Variants in CDH6 observed in about 807,000 individuals in gnomAD.
CDH6 encodes cadherin-6.
Under a neutral mutation model 78.0 loss-of-function variants are expected in CDH6, and 31 were observed. The ratio of observed to expected loss-of-function variants is 0.40; its 90% CI spans 0.30 to 0.54. The LOEUF (loss-of-function observed/expected upper bound fraction) is 0.54, where lower values mean the gene tolerates loss of function less well. Among genes scored for constraint, CDH6 ranks in the 20% least tolerant of loss-of-function variants. The pLI, the probability that CDH6 is intolerant of heterozygous loss-of-function variation, is 0.56. For missense variants in CDH6, 724 were observed against 975.9 expected, an observed-to-expected ratio of 0.74 and a Z score of 3.44; for synonymous variants, 376 against 368.8, an observed-to-expected ratio of 1.02 and a Z score of -0.23.
At position 31,299,483 on chromosome 5, in the gene CDH6, G is replaced by T; in HGVS notation, c.663G>T (p.Leu221Phe). 6.2e-7 allele frequency: 1 copy of T among 1,613,418 alleles called. No homozygotes were observed. The highest frequency in any genetic ancestry group is 1.7e-4 in the Middle Eastern group (1 of 6,056). ...ESETGIIKTA[L>F]LNMDRENREQ... Reference sequence around the variant, plus strand: ...CCACAGGTATTATCAAGACAGCTTTGCTCAACATGGATCGAGAAAACAGGG... The same window carrying T: ...CCACAGGTATTATCAAGACAGCTTTTCTCAACATGGATCGAGAAAACAGGG... The change falls in exon 5 of 12, where the codon TTG becomes TTT. Residue 221 changes from leucine to phenylalanine, a missense_variant. Physicochemically the swap from Leu to Phe is conservative, Grantham distance 22. Around this residue, in one of 3 missense-constraint regions of CDH6, gnomAD observed 446 missense variants for 684.5 expected, o/e 0.65. Transcript: ENST00000265071.
At chr5:31,261,481 T>C (rs1380858738) in intron 1 of CDH6, among the ~76,000 whole-genome samples, 4 of 152,162 alleles carry the variant, frequency 2.6e-5, no homozygotes, top group Non-Finnish European at 4.4e-5. Flanking sequence ...TTTACAGAAA[T>C]GTAAAGTACT....
intron 1 of CDH6, among the ~76,000 whole-genome samples, chr5:31,247,823 GTT>G (rs554230061): frequency 7.0e-4 from 106 of 152,240 alleles, no homozygotes; most frequent in Non-Finnish European, 1.4e-3. Flanking sequence ...AGTTTTCCAG[GTT>G]TATATAAAGT....
intron 1 of CDH6, among the ~76,000 whole-genome samples, chr5:31,265,963 A>G (rs1338156730): frequency 6.6e-6 from 1 of 151,510 alleles, no homozygotes; most frequent in Non-Finnish European, 1.5e-5. Context: ...TTTTTAGTAG[A>G]GACGGGGTTT....
chr5:31,244,302 C>T (rs1741686278), intron 1 of CDH6, among the ~76,000 whole-genome samples: 1 of 152,270 alleles, frequency 6.6e-6, no homozygotes, highest in South Asian at 2.1e-4. Flanking sequence ...AAATCAAGAA[C>T]ATAAAAGGTG....
intron 11 of CDH6, among the ~76,000 whole-genome samples, chr5:31,321,674 G>A (rs1738481752): frequency 6.6e-6 from 1 of 152,064 alleles, no homozygotes; most frequent in South Asian, 2.1e-4. Flanking sequence ...TTATTATATA[G>A]GTAGTTTTGT....
intron 7 of CDH6, among the ~76,000 whole-genome samples, chr5:31,312,342 T>C (rs1738181530): frequency 6.6e-6 from 1 of 152,210 alleles, no homozygotes; most frequent in South Asian, 2.1e-4. Context: ...CGTTCAACCA[T>C]TCTCCTCAAT....
chr5:31,269,031 T>G (rs2149934291), intron 2 of CDH6, among the ~76,000 whole-genome samples: 1 of 152,328 alleles, frequency 6.6e-6, no homozygotes, highest in South Asian at 2.1e-4. Context: ...CTACTCGTAC[T>G]TCACTCCATT....
At position 31,311,443 on chromosome 5, in the gene CDH6, T is replaced by C. The variant is rs1462449152; in HGVS notation, c.1254-1875T>C. On this transcript the variant is annotated intron_variant, in intron 7 of 11. Coordinates refer to ENST00000265071, the MANE Select transcript of CDH6 (RefSeq NM_004932.4). ...AGTTCCAGACTTTCCCACATCTTTC[T>C]TTCTTCTTCTGAACCCTCCAATCTG... 5.9e-5 allele frequency among the ~76,000 whole-genome samples: 9 copies of C among 152,332 alleles called. No individual in the cohort carries two copies. In the South Asian group the frequency reaches 1.2e-3, roughly 21 times the overall value.
At chr5:31,255,221 T>C (rs2149926944) in intron 1 of CDH6, among the ~76,000 whole-genome samples, 1 of 152,366 alleles carries the variant, frequency 6.6e-6, no homozygotes, top group East Asian at 1.9e-4. Context: ...AATTGGCTTT[T>C]CCTTGGCCCT....
intron 1 of CDH6, among the ~76,000 whole-genome samples, chr5:31,219,164 G>T (rs1363596353): frequency 6.6e-6 from 1 of 152,146 alleles, no homozygotes; most frequent in Non-Finnish European, 1.5e-5. Context: ...CCAGCAGATG[G>T]CCTTTGGACT....
intron 1 of CDH6, among the ~76,000 whole-genome samples, chr5:31,219,122 C>G (rs12653096): frequency 0.067 from 10,132 of 152,252 alleles, 666 homozygotes; most frequent in East Asian, 0.38. Flanking sequence ...AACAAAGACT[C>G]AAACACACAA....
chr5:31,268,520 G>A (rs1248759690), intron 2 of CDH6, among the ~76,000 whole-genome samples: 2 of 152,130 alleles, frequency 1.3e-5, no homozygotes, highest in African/African-American at 4.8e-5. Context: ...CAGAATATCT[G>A]CATACTGAAA....
intron 1 of CDH6, among the ~76,000 whole-genome samples, chr5:31,212,009 C>T (rs186198286): frequency 2.5e-3 from 387 of 152,300 alleles, no homozygotes; most frequent in African/African-American, 8.9e-3. Context: ...TATCTCATCA[C>T]TGAGCTCTTC....
At chr5:31,199,326 ATG>A (rs537957455) in intron 1 of CDH6, among the ~76,000 whole-genome samples, 67 of 150,892 alleles carry the variant, frequency 4.4e-4, no homozygotes, top group South Asian at 3.3e-3. Context: ...TTGATAATAT[ATG>A]TGTGTGTATA....
chr5:31,325,373 TATA>T lies in CDH6; in HGVS notation c.*2066_*2068del, dbSNP rs1738603321. 8.6e-6 allele frequency: 2 copies of T among 231,964 alleles called. No homozygotes were observed. Among genetic ancestry groups the T allele is most frequent in the Admixed American group, 5.6e-5 (1 of 17,700 alleles). 14.4% of individuals were successfully genotyped at this position (231,964 alleles called of 1,614,324 possible). On this transcript the variant is annotated 3_prime_UTR_variant, in exon 12 of 12. Transcript: ENST00000265071. ...ACACACACGAATGCAAACAAAAGGC[TATA>T]TGAGGTCTTCACTCTAATGAATTGA...
chr5:31,324,960 T>C lies in CDH6; in HGVS notation c.*1652T>C, dbSNP rs1259909551. The C allele has an allele frequency of 4.9e-6, 1 of 203,558 alleles. No individual in the cohort carries two copies. The highest frequency in any genetic ancestry group is 1.0e-5 in the Non-Finnish European group (1 of 99,352). 12.6% of individuals were successfully genotyped at this position (203,558 alleles called of 1,614,324 possible). On this transcript the variant is annotated 3_prime_UTR_variant, in exon 12 of 12. Transcript: ENST00000265071. ...CTTAAGAATATGCTGACTTCACTTA[T>C]TAGTCTTAGGGATTTATTTTCAATT...
At chr5:31,206,092 T>C (rs1406362304) in intron 1 of CDH6, among the ~76,000 whole-genome samples, 1 of 152,138 alleles carries the variant, frequency 6.6e-6, no homozygotes, top group Non-Finnish European at 1.5e-5. Flanking sequence ...CTTGTGCCTT[T>C]TGTGCTCTAT....
intron 1 of CDH6, among the ~76,000 whole-genome samples, chr5:31,258,683 G>A (rs571091460): frequency 1.8e-4 from 27 of 152,042 alleles, no homozygotes; most frequent in Admixed American, 3.9e-4. Context: ...AAGGATTGTT[G>A]CAAGACTTCC....
chr5:31,206,079 A>G (rs189091184), intron 1 of CDH6, among the ~76,000 whole-genome samples: 1 of 152,314 alleles, frequency 6.6e-6, no homozygotes, highest in African/African-American at 2.4e-5. Context: ...GAACTGTTGC[A>G]TTCTTGTGCC....
Sources: allele counts gnomAD v4.1 joint callset (sites outside exome capture counted in the v4.1 genomes callset), GRCh38; gene constraint gnomAD v4.1.1; regional missense constraint gnomAD v4.1.1; transcripts MANE v1.5; gene names NCBI Gene and HGNC (gene_info 2026-07-23, HGNC 2026-07-21).